The following DLGAP2 variants were observed in gnomAD, a reference collection of about 807,000 sequenced individuals.
The protein encoded by DLGAP2 is disks large-associated protein 2.
In DLGAP2, 26 loss-of-function variants were observed where a neutral mutation model predicts 100.3. That is an observed-to-expected ratio of 0.26 (90% CI 0.19 to 0.36). The LOEUF is 0.36. Ranked by LOEUF, DLGAP2 falls within the 10% of genes least tolerant of loss-of-function variation. DLGAP2 has a pLI of 1.00. For synonymous variants in DLGAP2, 886 were observed against 630.1 expected (o/e 1.41, Z -6.08); for missense variants, 1,858 against 1,453.2 (o/e 1.28, Z -4.53).
chr8:1,431,851 G>A (rs1193935154), intron 3 of DLGAP2, among the ~76,000 whole-genome samples: 1 of 152,048 alleles, frequency 6.6e-6, no homozygotes, highest in Non-Finnish European at 1.5e-5. Flanking sequence ...ACCAAGCCCT[G>A]AGAACCCTGC....
At chr8:1,226,060 T>A (rs999033407) in intron 2 of DLGAP2, among the ~76,000 whole-genome samples, 2 of 152,164 alleles carry the variant, frequency 1.3e-5, no homozygotes, top group Non-Finnish European at 2.9e-5. Flanking sequence ...TGCTGAGTCA[T>A]ATATCTAATA....
chr8:1,320,831 CTGTG>C (rs1421626247), intron 3 of DLGAP2, among the ~76,000 whole-genome samples: 2 of 152,160 alleles, frequency 1.3e-5, no homozygotes, highest in African/African-American at 2.4e-5. Flanking sequence ...CTGTGTGTGT[CTGTG>C]TGTGCACGTG....
At chr8:865,153 C>G (rs990812388) in intron 1 of DLGAP2, among the ~76,000 whole-genome samples, 3 of 152,222 alleles carry the variant, frequency 2.0e-5, no homozygotes, top group Admixed American at 1.3e-4. Flanking sequence ...ACAGGCTCAC[C>G]TGGCCCACCA....
intron 2 of DLGAP2, among the ~76,000 whole-genome samples, chr8:1,233,273 G>A (rs1482710565): frequency 2.6e-5 from 4 of 152,188 alleles, no homozygotes; most frequent in Non-Finnish European, 1.5e-5. Flanking sequence ...TGAGCATCCT[G>A]GATGCATTCC....
chr8:1,446,085 C>G (rs1797979288), intron 3 of DLGAP2, among the ~76,000 whole-genome samples: 2 of 152,030 alleles, frequency 1.3e-5, no homozygotes, highest in South Asian at 4.2e-4. Flanking sequence ...TGCAGAAGCT[C>G]TTGAGTTTAA....
chr8:976,250 T>C (rs1003148872), intron 2 of DLGAP2, among the ~76,000 whole-genome samples: 6 of 152,178 alleles, frequency 3.9e-5, no homozygotes, highest in Non-Finnish European at 7.3e-5. Context: ...AGAAAGGTAC[T>C]GTAATGAAGA....
intron 3 of DLGAP2, among the ~76,000 whole-genome samples, chr8:1,423,746 G>A (rs771771672): frequency 4.9e-4 from 75 of 152,316 alleles, no homozygotes; most frequent in East Asian, 5.8e-4. Flanking sequence ...AGGCGGGTGG[G>A]GAAGACAGCC....
intron 1 of DLGAP2, among the ~76,000 whole-genome samples, chr8:858,328 A>C: frequency 6.6e-6 from 1 of 152,278 alleles, no homozygotes; most frequent in East Asian, 1.9e-4. Context: ...AGCCTGTCGC[A>C]AAAGGCTACG....
Position 1,491,077 on chromosome 8 carries a change from C to CAAAAAAAAAAA in DLGAP2, c.107-10284_107-10274dup, listed in dbSNP as rs386411871. On this transcript the variant is annotated intron_variant, in intron 3 of 14. Coordinates refer to ENST00000637795, the MANE Select transcript of DLGAP2 (RefSeq NM_001346810.2). ...AAATAAATAAAAATAAACTGGAAAC[C>CAAAAAAAAAAA]AAAAAAAAAAAAAAACCCAAAAATA... 2.7e-3 allele frequency among the ~76,000 whole-genome samples: 173 copies of CAAAAAAAAAAA among 64,360 alleles called. 2 individuals are homozygous for CAAAAAAAAAAA. Among genetic ancestry groups the CAAAAAAAAAAA allele is most frequent in the African/African-American group, 4.5e-3 (103 of 23,020 alleles). The allele number at this position is 64,360 out of a possible 152,430, so 42.2% of individuals were successfully genotyped here.
chr8:943,728 G>A (rs982032218), intron 2 of DLGAP2, among the ~76,000 whole-genome samples: 3 of 152,222 alleles, frequency 2.0e-5, no homozygotes, highest in Admixed American at 6.5e-5. Flanking sequence ...TGGCCATCCC[G>A]CCACAAGCAC....
At chr8:1,427,869 A>G (rs987580221) in intron 3 of DLGAP2, among the ~76,000 whole-genome samples, 3 of 152,220 alleles carry the variant, frequency 2.0e-5, no homozygotes, top group Non-Finnish European at 4.4e-5. Flanking sequence ...AAATTGACCA[A>G]TACAGTACTC....
intron 3 of DLGAP2, among the ~76,000 whole-genome samples, chr8:1,299,769 C>A (rs1043405739): frequency 6.6e-6 from 1 of 152,138 alleles, no homozygotes; most frequent in Non-Finnish European, 1.5e-5. Flanking sequence ...CCCTGGACTG[C>A]ACTTTTAAAG....
In DLGAP2 at chr8:1,124,345, C is replaced by T. The variant is rs565177235; in HGVS notation, c.74-134506C>T. Among the ~76,000 whole-genome samples the T allele has an allele frequency of 7.9e-5, 12 of 152,268 alleles. No individual in the cohort carries two copies. In the South Asian group the frequency reaches 2.1e-3, roughly 26 times the overall value. On this transcript the variant is annotated intron_variant, in intron 2 of 14. Coordinates refer to ENST00000637795, the MANE Select transcript of DLGAP2 (RefSeq NM_001346810.2). ...CCACTTCCAGAAGGGTTACCTGTGGCCCAGACTCCTCTCTCAGGGACCTCA... is the reference window on the plus strand; with the variant it reads ...CCACTTCCAGAAGGGTTACCTGTGGTCCAGACTCCTCTCTCAGGGACCTCA...
intron 3 of DLGAP2, among the ~76,000 whole-genome samples, chr8:1,283,182 G>T (rs1483456620): frequency 6.7e-6 from 1 of 149,108 alleles, no homozygotes; most frequent in Non-Finnish European, 1.5e-5. Flanking sequence ...CCTGAACCCA[G>T]CACGTGAACC....
intron 1 of DLGAP2, among the ~76,000 whole-genome samples, chr8:787,111 C>G (rs1204429256): frequency 2.0e-5 from 3 of 152,192 alleles, no homozygotes; most frequent in Admixed American, 6.5e-5. Flanking sequence ...ATGCTTTATT[C>G]AATTTTCCTT....
intron 3 of DLGAP2, among the ~76,000 whole-genome samples, chr8:1,337,101 A>T (rs970905839): frequency 2.0e-5 from 3 of 151,998 alleles, no homozygotes; most frequent in Non-Finnish European, 4.4e-5. Flanking sequence ...GAGGAGGTGA[A>T]GAAGAAATAG....
chr8:757,476 C>A (rs991250219), intron 1 of DLGAP2, among the ~76,000 whole-genome samples: 2 of 152,116 alleles, frequency 1.3e-5, no homozygotes, highest in African/African-American at 4.8e-5. Flanking sequence ...TTGAATGACA[C>A]CCGTAGGCAC....
chr8:930,416 C>G lies in DLGAP2; in HGVS notation c.73+22450C>G, dbSNP rs553624832. On this transcript the variant is annotated intron_variant, in intron 2 of 14. Coordinates refer to ENST00000637795, the MANE Select transcript of DLGAP2 (RefSeq NM_001346810.2). ...AGAGTTCCTGTGCTGGGGTGCACAC[C>G]AGGGACTCCAGGCACACACAGCATG... is the stretch of plus-strand genomic sequence containing the variant. Among the ~76,000 whole-genome samples, 890 of 152,316 alleles carry G rather than the reference C, an allele frequency of 5.8e-3. 2 individuals are homozygous for G. Among genetic ancestry groups the G allele is most frequent in the Non-Finnish European group, 9.9e-3 (676 of 68,036 alleles).
chr8:777,794 C>T (rs1227510051), intron 1 of DLGAP2, among the ~76,000 whole-genome samples: 1 of 152,118 alleles, frequency 6.6e-6, no homozygotes, highest in East Asian at 1.9e-4. Flanking sequence ...TTTTTTCCTT[C>T]GTTTTGACTT....
Sources: allele counts gnomAD v4.1 joint callset (sites outside exome capture counted in the v4.1 genomes callset), GRCh38; gene constraint gnomAD v4.1.1; transcripts MANE v1.5; gene names NCBI Gene and HGNC (gene_info 2026-07-23, HGNC 2026-07-21).